SWT1: variants seen among roughly 807,000 people sequenced by gnomAD.
The protein encoded by SWT1 is SWT1 RNA endoribonuclease homolog.
SWT1 carries 33 observed loss-of-function variants against 107.3 expected under a neutral mutation model. That is an observed-to-expected ratio of 0.31 (90% CI 0.23 to 0.41). SWT1 has a LOEUF of 0.41. Among genes scored for constraint, SWT1 ranks in the 10% least tolerant of loss-of-function variants. The pLI is 1.00. For synonymous variants in SWT1, 345 were observed against 348.3 expected, an observed-to-expected ratio of 0.99 and a Z score of 0.11; for missense variants, 898 against 1,028.9, an observed-to-expected ratio of 0.87 and a Z score of 1.74.
chr1:185,240,182 T>C (rs1299878325), intron 16 of SWT1, among the ~76,000 whole-genome samples: 1 of 151,982 alleles, frequency 6.6e-6, no homozygotes, highest in Non-Finnish European at 1.5e-5. Flanking sequence ...CTTGCTTAGG[T>C]TTTATGTTTG....
intron 15 of SWT1, among the ~76,000 whole-genome samples, chr1:185,230,472 C>T (rs1660431761): frequency 6.6e-6 from 1 of 152,128 alleles, no homozygotes; most frequent in Admixed American, 6.6e-5. Flanking sequence ...CCTTTTTCTT[C>T]ACATGGAGTA....
At chr1:185,177,281 C>G (rs1448725738) in intron 5 of SWT1, among the ~76,000 whole-genome samples, 2 of 152,178 alleles carry the variant, frequency 1.3e-5, no homozygotes, top group African/African-American at 4.8e-5. Flanking sequence ...GTGTCATTGC[C>G]TGGTTTTCCC....
At chr1:185,283,725 T>G (rs1036886869) in intron 18 of SWT1, among the ~76,000 whole-genome samples, 25 of 152,340 alleles carry the variant, frequency 1.6e-4, no homozygotes, top group African/African-American at 6.0e-4. Context: ...CTCCGATGTA[T>G]ACATGTGACC....
At chr1:185,272,204 G>A (rs1238579076) in intron 17 of SWT1, among the ~76,000 whole-genome samples, 2 of 152,192 alleles carry the variant, frequency 1.3e-5, no homozygotes, top group Non-Finnish European at 2.9e-5. Flanking sequence ...AACCCTGGAG[G>A]TAGAACTATA....
chr1:185,180,430 A>G lies in SWT1; in HGVS notation c.1006A>G (p.Ile336Val), dbSNP rs759876718. Residue 336 changes from isoleucine (I) to valine (V), a missense_variant, in exon 6 of 19, where the codon ATC (isoleucine) becomes GTC (valine). This residue lies in a region of SWT1 where 94 missense variants were observed against 114.5 expected (regional missense o/e 0.82). Transcript: ENST00000367500. Reference sequence around the variant, plus strand: ...ATGTTGTTCCGTGTCATCTGAAAGTATCCAGGATGCAGATCAAGAGGTTAT... The same window carrying G: ...ATGTTGTTCCGTGTCATCTGAAAGTGTCCAGGATGCAGATCAAGAGGTTAT... ...APCCSVSSES[I>V]QDADQEMQIV... The G allele has an allele frequency of 1.2e-6, 2 of 1,613,152 alleles. No homozygotes were observed. The highest frequency in any genetic ancestry group is 1.7e-6 in the Non-Finnish European group (2 of 1,179,116).
At chr1:185,177,541 G>A (rs1553252148) in intron 5 of SWT1, among the ~76,000 whole-genome samples, 1 of 152,126 alleles carries the variant, frequency 6.6e-6, no homozygotes, top group Non-Finnish European at 1.5e-5. Context: ...AGTAAATATT[G>A]TCCTTATCTT....
chr1:185,184,314 G>A lies in SWT1; in HGVS notation c.1210G>A (p.Val404Ile), dbSNP rs1224288399. 1.3e-6 allele frequency: 2 copies of A among 1,570,592 alleles called. No homozygotes were observed. Among genetic ancestry groups the A allele is most frequent in the Non-Finnish European group, 1.7e-6 (2 of 1,150,166 alleles). ...TATTCTGATGAATCATCTCAAATTTGTTAGAATTTTGAAGACAACAGAAGT... is the reference window on the plus strand; with the variant it reads ...TATTCTGATGAATCATCTCAAATTTATTAGAATTTTGAAGACAACAGAAGT... ...TNILMNHLKF[V>I]RILKTTEVPG... The change falls in exon 8 of 19, where the codon GTT (valine) becomes ATT (isoleucine). Residue 404 changes from valine to isoleucine, a missense_variant. Val to Ile is a conservative substitution (Grantham distance 29, BLOSUM62 3). Transcript: ENST00000367500.
Position 185,244,863 on chromosome 1 carries a change from T to C in SWT1, c.2441+13155T>C, listed in dbSNP as rs553765341. ...TGGGAGGCCAAGGCAGGGGGTTTGC[T>C]TGAAGCCCGGAGTTCGAGAGTAGTC... On this transcript the variant is annotated intron_variant, in intron 16 of 18. Coordinates refer to ENST00000367500, the MANE Select transcript of SWT1 (RefSeq NM_017673.7). 4.6e-5 allele frequency among the ~76,000 whole-genome samples: 7 copies of C among 152,298 alleles called. No homozygotes were observed. The South Asian group carries it at 1.4e-3, about 32-fold the overall frequency.
chr1:185,263,938 A>T (rs1253786530), intron 16 of SWT1: 2 of 152,218 alleles, frequency 1.3e-5, no homozygotes, highest in Admixed American at 6.5e-5. Context: ...GGAGGAACAC[A>T]CTTCAGTCCA....
chr1:185,229,644 T>C (rs890172307), intron 15 of SWT1, among the ~76,000 whole-genome samples: 7 of 151,738 alleles, frequency 4.6e-5, no homozygotes, highest in African/African-American at 1.7e-4. Flanking sequence ...CAACCACACC[T>C]CCACACACAC....
Position 185,249,039 on chromosome 1 carries a change from G to T in SWT1, c.2441+17331G>T, listed in dbSNP as rs959179346. Among the ~76,000 whole-genome samples, 5 of 152,112 alleles carry T rather than the reference G, an allele frequency of 3.3e-5. No homozygotes were observed. In the South Asian group the frequency reaches 1.0e-3, roughly 31 times the overall value. Reference sequence around the variant, plus strand: ...ACTCATCTTGGAAATTCTCACTTGAGATTTCTTGTGTAGCTGCATTCAGAT... The same window carrying T: ...ACTCATCTTGGAAATTCTCACTTGATATTTCTTGTGTAGCTGCATTCAGAT... On this transcript the variant is annotated intron_variant, in intron 16 of 18. Transcript: ENST00000367500.
At chr1:185,182,620 G>A (rs1474874979) in intron 7 of SWT1, among the ~76,000 whole-genome samples, 1 of 135,730 alleles carries the variant, frequency 7.4e-6, no homozygotes, top group Non-Finnish European at 1.5e-5. Flanking sequence ...TGCCAAGATT[G>A]TGCCACTGCA....
chr1:185,169,194 G>A (rs145460398), intron 4 of SWT1, among the ~76,000 whole-genome samples: 1 of 150,870 alleles, frequency 6.6e-6, no homozygotes, highest in South Asian at 2.1e-4. Context: ...CTCTGTTGAA[G>A]TATATTCTTG....
chr1:185,191,044 G>A (rs1171164262), intron 10 of SWT1, among the ~76,000 whole-genome samples: 3 of 152,120 alleles, frequency 2.0e-5, no homozygotes, highest in African/African-American at 7.2e-5. Context: ...AGACTGCCTG[G>A]CTTGGAGTCC....
At chr1:185,191,686 G>A (rs1291921312) in intron 10 of SWT1, among the ~76,000 whole-genome samples, 1 of 152,036 alleles carries the variant, frequency 6.6e-6, no homozygotes, top group African/African-American at 2.4e-5. Flanking sequence ...GGAGTTTGTT[G>A]AAGGCTGAAA....
intron 4 of SWT1, chr1:185,171,621 C>T: frequency 1.9e-6 from 1 of 523,492 alleles, no homozygotes; most frequent in South Asian, 1.4e-5. Flanking sequence ...GATCCGTCTT[C>T]TATGGGGTGG....
At chr1:185,202,905 A>G (rs761192549) in intron 11 of SWT1, 106 bp downstream of exon 11, 56 of 587,824 alleles carry the variant, frequency 9.5e-5, no homozygotes, top group Non-Finnish European at 5.8e-5. Context: ...CATTTAAAAT[A>G]ACATCGTTTG....
intron 9 of SWT1, among the ~76,000 whole-genome samples, chr1:185,187,861 T>A (rs1440062389): frequency 6.6e-6 from 1 of 151,964 alleles, no homozygotes; most frequent in African/African-American, 2.4e-5. Flanking sequence ...GCTAATTTTT[T>A]AAGATATTTT....
intron 1 of SWT1, among the ~76,000 whole-genome samples, chr1:185,160,525 A>G (rs1308164814): frequency 2.1e-4 from 32 of 151,876 alleles, no homozygotes; most frequent in Admixed American, 2.1e-3. Flanking sequence ...ACATGGTGAA[A>G]CCCTGTCTCT....
Sources: allele counts gnomAD v4.1 joint callset (sites outside exome capture counted in the v4.1 genomes callset), GRCh38; gene constraint gnomAD v4.1.1; regional missense constraint gnomAD v4.1.1; transcripts MANE v1.5; gene names NCBI Gene and HGNC (gene_info 2026-07-23, HGNC 2026-07-21).